Variants in CLMN observed in about 807,000 individuals in gnomAD.
CLMN encodes the protein calmin (calponin-like, transmembrane).
In CLMN, 57 loss-of-function variants were observed where a neutral mutation model predicts 92.7. The ratio of observed to expected loss-of-function variants is 0.61; its 90% CI spans 0.50 to 0.77. The LOEUF (loss-of-function observed/expected upper bound fraction) is 0.77. Among genes scored for constraint, CLMN ranks in the 30% least tolerant of loss-of-function variants. CLMN has a pLI of 0.00. For synonymous variants in CLMN, 466 were observed against 470.6 expected, an observed-to-expected ratio of 0.99 and a Z score of 0.13; for missense variants, 1,158 against 1,237.5, an observed-to-expected ratio of 0.94 and a Z score of 0.96.
intron 10 of CLMN, 126 bp downstream of exon 10, chr14:95,196,372 T>C: frequency 2.2e-6 from 2 of 917,774 alleles, no homozygotes; most frequent in Non-Finnish European, 3.2e-6. Context: ...GGATTGTGTA[T>C]GAAGCTGTAT....
chr14:95,223,763 A>C lies in CLMN; in HGVS notation c.237T>G (p.Asn79Lys), dbSNP rs756076546. 6.2e-7 allele frequency: 1 copy of C among 1,612,292 alleles called. No individual in the cohort carries two copies. The highest frequency in any genetic ancestry group is 8.5e-7 in the Non-Finnish European group (1 of 1,178,958). The part of the protein sequence containing the change: ...MALLEVLSGR[N>K]LLHEYKSSSH... ...GACCCTTCTGTAACATACGTACCAG[A>C]TTCCGCCCAGACAGGACTTCTAACA... Residue 79 changes from asparagine (N) to lysine (K), a missense_variant, in exon 3 of 13, where the codon AAT becomes AAG. Asn to Lys is a moderately conservative substitution (Grantham distance 94). Transcript: ENST00000298912.
chr14:95,293,353 T>C (rs866139566), intron 1 of CLMN, among the ~76,000 whole-genome samples: 53 of 19,850 alleles, frequency 2.7e-3, no homozygotes, highest in East Asian at 3.9e-3. Context: ...TCCCTCCTTC[T>C]TTTCCTCCCT....
intron 8 of CLMN, among the ~76,000 whole-genome samples, chr14:95,207,054 C>A (rs1344804775): frequency 2.0e-5 from 3 of 151,976 alleles, no homozygotes; most frequent in African/African-American, 7.2e-5. Context: ...AAGATATTGG[C>A]AGGGCTGGAT....
In CLMN at chr14:95,240,305, C is replaced by T. The variant is rs531666378; in HGVS notation, c.83-10172G>A. 5.2e-4 allele frequency among the ~76,000 whole-genome samples: 79 copies of T among 152,326 alleles called. 2 individuals carry two copies. The South Asian group carries it at 0.016, about 31-fold the overall frequency. On this transcript the variant is annotated intron_variant, in intron 1 of 12. Transcript: ENST00000298912. ...CTTCCTTCTCCTTTCTGGCACACAG[C>T]GGTGCTACATCTCCCAGCCTCCTAT...
At chr14:95,283,927 T>C (rs1900238571) in intron 1 of CLMN, among the ~76,000 whole-genome samples, 1 of 152,198 alleles carries the variant, frequency 6.6e-6, no homozygotes, top group African/African-American at 2.4e-5. Flanking sequence ...AGGAACCTAA[T>C]GTTAATCCCC....
At chr14:95,265,240 C>CAA (rs141059608) in intron 1 of CLMN, among the ~76,000 whole-genome samples, 2 of 142,792 alleles carry the variant, frequency 1.4e-5, no homozygotes, top group East Asian at 2.0e-4. Flanking sequence ...GACTCTGAAT[C>CAA]AAAAAAAAAA....
intron 12 of CLMN, chr14:95,193,512 C>G (rs1355686401): frequency 2.5e-5 from 20 of 800,782 alleles, no homozygotes; most frequent in Non-Finnish European, 3.7e-5. Flanking sequence ...CCTGCCTGGC[C>G]GTCCCTTTGC....
chr14:95,223,404 T>C (rs1897609439), intron 3 of CLMN, among the ~76,000 whole-genome samples: 1 of 152,154 alleles, frequency 6.6e-6, no homozygotes, highest in African/African-American at 2.4e-5. Flanking sequence ...TGCTTAGCCT[T>C]AGGGTGGTTG....
rs189964804 is a variant in CLMN, at chr14:95,190,458, G to C, written c.*1106C>G. 6.6e-6 allele frequency: 1 copy of C among 152,644 alleles called. No individual in the cohort carries two copies. The highest frequency in any genetic ancestry group is 6.5e-5 in the Admixed American group (1 of 15,308). 9.5% of individuals were successfully genotyped at this position (152,644 alleles called of 1,614,324 possible). A position where few individuals can be genotyped will look rare whatever the true frequency, so the allele number is the denominator to read the frequency against. On this transcript the variant is annotated 3_prime_UTR_variant, in exon 13 of 13. Coordinates refer to ENST00000298912, the MANE Select transcript of CLMN (RefSeq NM_024734.4). Reference sequence around the variant, plus strand: ...ACATGCTTTCTGAAGGGGAGAGCAAGGGGAGGAGGAACCAATGCAGAGACT... The same window carrying C: ...ACATGCTTTCTGAAGGGGAGAGCAACGGGAGGAGGAACCAATGCAGAGACT...
chr14:95,265,037 A>G (rs990851335), intron 1 of CLMN, among the ~76,000 whole-genome samples: 3 of 151,938 alleles, frequency 2.0e-5, no homozygotes, highest in African/African-American at 7.3e-5. Flanking sequence ...GTTTGAGCCC[A>G]TGAGTTTGAG....
intron 4 of CLMN, 59 bp downstream of exon 4, chr14:95,221,632 T>G: frequency 6.8e-7 from 1 of 1,476,900 alleles, no homozygotes; most frequent in South Asian, 1.2e-5. Flanking sequence ...GAACTTCAAA[T>G]GACGTCCTTT....
intron 1 of CLMN, among the ~76,000 whole-genome samples, chr14:95,302,945 G>T (rs984548213): frequency 6.6e-6 from 1 of 152,196 alleles, no homozygotes; most frequent in African/African-American, 2.4e-5. Context: ...AGGGCTGCAG[G>T]ATAAGCAGGC....
intron 4 of CLMN, among the ~76,000 whole-genome samples, chr14:95,221,222 G>T (rs1897528099): frequency 6.6e-6 from 1 of 152,138 alleles, no homozygotes; most frequent in Admixed American, 6.6e-5. Context: ...CACAGAAAAA[G>T]ATCATCGGAG....
intron 7 of CLMN, 41 bp from the exon 8 acceptor site, chr14:95,209,518 C>CACA (rs1489763968): frequency 6.8e-7 from 1 of 1,461,824 alleles, no homozygotes; most frequent in Non-Finnish European, 9.6e-7. Flanking sequence ...GATACAAACA[C>CACA]ACACGCTTTC....
intron 8 of CLMN, among the ~76,000 whole-genome samples, chr14:95,208,002 G>A (rs61255711): frequency 0.014 from 2,204 of 152,204 alleles, 61 homozygotes; most frequent in African/African-American, 0.05. Flanking sequence ...CCTTATTTTC[G>A]TTTATAAAAG....
chr14:95,203,146 G>T lies in CLMN; in HGVS notation c.2203C>A (p.Pro735Thr), dbSNP rs764860708. The change falls in exon 9 of 13, where the codon CCC becomes ACC. Residue 735 changes from proline (P) to threonine (T), a missense_variant. By Grantham distance (38) the Pro-to-Thr change is conservative (BLOSUM62 -1). Transcript: ENST00000298912. The part of the protein sequence containing the change: ...DLFYFPHYEV[P>T]LAAVLEAYVE... ...TAAGCCTCCAAAACTGCAGCCAGGG[G>T]AACCTCATAGTGTGGGAAATAGAAG... The T allele has an allele frequency of 1.2e-6, 2 of 1,612,722 alleles. No individual in the cohort carries two copies. The highest frequency in any genetic ancestry group is 1.7e-6 in the Non-Finnish European group (2 of 1,180,018).
chr14:95,235,339 G>T (rs1169844732), intron 1 of CLMN, among the ~76,000 whole-genome samples: 1 of 152,204 alleles, frequency 6.6e-6, no homozygotes, highest in Non-Finnish European at 1.5e-5. Flanking sequence ...CTCTCCAGTT[G>T]ATGAGGATGC....
intron 1 of CLMN, among the ~76,000 whole-genome samples, chr14:95,258,195 T>C (rs1027013974): frequency 5.9e-5 from 9 of 151,806 alleles, no homozygotes; most frequent in Non-Finnish European, 1.0e-4. Flanking sequence ...TATGTATGCA[T>C]AGTGCATATG....
chr14:95,276,436 G>A (rs181183308), intron 1 of CLMN, among the ~76,000 whole-genome samples: 2,492 of 152,254 alleles, frequency 0.016, 36 homozygotes, highest in Non-Finnish European at 0.027. Context: ...GGGATATGAG[G>A]AGCTTTTTTC....
Sources: allele counts gnomAD v4.1 joint callset (sites outside exome capture counted in the v4.1 genomes callset), GRCh38; gene constraint gnomAD v4.1.1; transcripts MANE v1.5; gene names NCBI Gene and HGNC (gene_info 2026-07-23, HGNC 2026-07-21).